Variants in DAPK1 observed in about 807,000 individuals in gnomAD.
DAPK1 encodes the protein death-associated protein kinase 1.
A neutral mutation model predicts 144.9 loss-of-function variants in DAPK1; 56 were observed. That is an observed-to-expected ratio of 0.39 (90% CI 0.31 to 0.48). DAPK1 has a LOEUF of 0.48. DAPK1 is among the 20% of genes least tolerant of loss of function. The probability of loss-of-function intolerance (pLI) is 0.95; values close to 1 mark genes in which losing one functional copy is unlikely to be tolerated. For synonymous variants in DAPK1, 690 were observed against 749.0 expected (o/e 0.92, Z 1.29); for missense variants, 1,454 against 1,875.4 (o/e 0.78, Z 4.15).
chr9:87,673,322 A>G (rs888345147), intron 19 of DAPK1, among the ~76,000 whole-genome samples: 1 of 152,028 alleles, frequency 6.6e-6, no homozygotes, highest in African/African-American at 2.4e-5. Flanking sequence ...CTGCCATTTT[A>G]TTTGGTTTCC....
intron 2 of DAPK1, among the ~76,000 whole-genome samples, chr9:87,543,806 GTTTTTTCTT>G (rs1343145826): frequency 1.3e-5 from 2 of 151,960 alleles, no homozygotes; most frequent in African/African-American, 4.8e-5. Context: ...AGAGGGTTTT[GTTTTTTCTT>G]TTTTGTTTTT....
At chr9:87,659,023 G>C (rs1459736223) in intron 18 of DAPK1, among the ~76,000 whole-genome samples, 1 of 152,208 alleles carries the variant, frequency 6.6e-6, no homozygotes, top group Admixed American at 6.5e-5. Context: ...GGTTTGTATT[G>C]GCCCTGGCGG....
intron 18 of DAPK1, among the ~76,000 whole-genome samples, chr9:87,665,552 T>A (rs1042125762): frequency 6.6e-6 from 1 of 152,222 alleles, no homozygotes; most frequent in African/African-American, 2.4e-5. Context: ...TTGCCCCAGT[T>A]GAAACCCCAT....
chr9:87,537,654 G>A (rs1825906364), intron 2 of DAPK1, among the ~76,000 whole-genome samples: 1 of 152,104 alleles, frequency 6.6e-6, no homozygotes, highest in Admixed American at 6.6e-5. Context: ...TGATCTGTGT[G>A]TGCGCGTTAG....
At chr9:87,605,890 G>A (rs941667740) in intron 3 of DAPK1, among the ~76,000 whole-genome samples, 2 of 152,172 alleles carry the variant, frequency 1.3e-5, no homozygotes, top group Non-Finnish European at 2.9e-5. Flanking sequence ...ACATGCTGGC[G>A]AGAGAGGACA....
intron 2 of DAPK1, among the ~76,000 whole-genome samples, chr9:87,551,874 T>C (rs779583038): frequency 2.6e-5 from 4 of 152,156 alleles, no homozygotes; most frequent in Admixed American, 6.5e-5. Context: ...CGGGCGCTGC[T>C]GATAGACACG....
intron 17 of DAPK1, among the ~76,000 whole-genome samples, chr9:87,652,061 G>A (rs1450537960): frequency 6.9e-6 from 1 of 145,502 alleles, no homozygotes; most frequent in African/African-American, 2.6e-5. Context: ...CTGATTCTGT[G>A]TTCTCTCACC....
In DAPK1 at chr9:87,498,751, G is replaced by T. The variant is rs1824282045; in HGVS notation, c.-108-219G>T. ...CCAGCGTTTGGGGACGCCGACCTCG[G>T]GGTGCCGTGGTGCCCGGCCCCACGC... On this transcript the variant is annotated intron_variant, in intron 1 of 25. Transcript: ENST00000408954. 6 of 429,870 alleles carry T rather than the reference G, an allele frequency of 1.4e-5. No homozygotes were observed. The South Asian group carries it at 3.3e-4, about 24-fold the overall frequency. The allele number at this position is 429,870 out of a possible 1,614,324, so 26.6% of individuals were successfully genotyped here.
chr9:87,600,644 C>A (rs991493044), intron 2 of DAPK1, among the ~76,000 whole-genome samples: 1 of 152,102 alleles, frequency 6.6e-6, no homozygotes, highest in African/African-American at 2.4e-5. Flanking sequence ...GTACAAAATC[C>A]ATTAATAATA....
At chr9:87,689,075 C>A (rs1461771219) in intron 21 of DAPK1, among the ~76,000 whole-genome samples, 1 of 152,078 alleles carries the variant, frequency 6.6e-6, no homozygotes, top group Admixed American at 6.6e-5. Context: ...TGAGGTTTTA[C>A]ATTTACAGCT....
rs1199317411 is a variant in DAPK1, at chr9:87,498,047, G to T, written c.-169G>T. 2 of 397,840 alleles carry T rather than the reference G, an allele frequency of 5.0e-6. No individual in the cohort carries two copies. Among genetic ancestry groups the T allele is most frequent in the Non-Finnish European group, 8.9e-6 (2 of 225,700 alleles). 24.6% of individuals were successfully genotyped at this position (397,840 alleles called of 1,614,324 possible). A position where few individuals can be genotyped will look rare whatever the true frequency, so the allele number is the denominator to read the frequency against. On this transcript the variant is annotated 5_prime_UTR_variant, in exon 1 of 26. Coordinates refer to ENST00000408954, the MANE Select transcript of DAPK1 (RefSeq NM_004938.4). ...CCGCCCCGGCTAGTCTCCGGCGCTGGCGCCTATGGTCGGCCTCCGACAGCG... is the reference window on the plus strand; with the variant it reads ...CCGCCCCGGCTAGTCTCCGGCGCTGTCGCCTATGGTCGGCCTCCGACAGCG...
chr9:87,676,653 G>T (rs1587836338), intron 19 of DAPK1, among the ~76,000 whole-genome samples: 2 of 152,244 alleles, frequency 1.3e-5, no homozygotes, highest in Non-Finnish European at 2.9e-5. Flanking sequence ...CAAAGACTTG[G>T]TGAAGGGTGA....
chr9:87,669,161 G>A (rs1831165043), intron 19 of DAPK1, among the ~76,000 whole-genome samples: 1 of 152,024 alleles, frequency 6.6e-6, no homozygotes, highest in Non-Finnish European at 1.5e-5. Flanking sequence ...CTTTAATCTA[G>A]GAACTCTGTT....
intron 2 of DAPK1, among the ~76,000 whole-genome samples, chr9:87,512,553 C>G (rs185886083): frequency 6.6e-6 from 1 of 152,170 alleles, no homozygotes; most frequent in African/African-American, 2.4e-5. Context: ...CCAGCTGCTG[C>G]GGGTAAATGC....
chr9:87,689,228 G>T (rs1289574938), intron 21 of DAPK1, among the ~76,000 whole-genome samples: 1 of 151,916 alleles, frequency 6.6e-6, no homozygotes, highest in Non-Finnish European at 1.5e-5. Context: ...CAACTTTGTC[G>T]CAGATTGGGT....
chr9:87,501,562 A>G (rs1239072976), intron 2 of DAPK1, among the ~76,000 whole-genome samples: 1 of 152,204 alleles, frequency 6.6e-6, no homozygotes, highest in Non-Finnish European at 1.5e-5. Flanking sequence ...AAAGAAAGAA[A>G]AAAAAGACTT....
rs189592009 is a variant in DAPK1, at chr9:87,576,464, T to A, written c.63-28490T>A. Among the ~76,000 whole-genome samples, 266 of 152,342 alleles carry A rather than the reference T, an allele frequency of 1.7e-3. 2 individuals carry two copies. Among genetic ancestry groups the A allele is most frequent in the African/African-American group, 6.2e-3 (257 of 41,580 alleles). The stretch of plus-strand genomic sequence containing the variant: ...GTTCTTGGAGGAAGGAAAGCAGGCT[T>A]GGGTGACTGGTGAGCCTTAGTTGCA... On this transcript the variant is annotated intron_variant, in intron 2 of 25. Coordinates refer to ENST00000408954, the MANE Select transcript of DAPK1 (RefSeq NM_004938.4).
At chr9:87,674,820 A>C (rs1824304342) in intron 19 of DAPK1, among the ~76,000 whole-genome samples, 3 of 152,218 alleles carry the variant, frequency 2.0e-5, no homozygotes, top group African/African-American at 7.2e-5. Context: ...TCTGATGAGA[A>C]AGTGAAAGCT....
chr9:87,527,344 C>T (rs1825551356), intron 2 of DAPK1, among the ~76,000 whole-genome samples: 1 of 152,236 alleles, frequency 6.6e-6, no homozygotes, highest in Non-Finnish European at 1.5e-5. Context: ...GACACTGAAT[C>T]CTTCCTCTCA....
Sources: gnomAD v4.1 joint callset for allele counts (sites outside exome capture counted in the v4.1 genomes callset) on GRCh38, gnomAD v4.1.1 for gene constraint, MANE v1.5 for transcripts, NCBI Gene and HGNC (gene_info 2026-07-23, HGNC 2026-07-21) for gene names.